Variants in USH2A observed in about 807,000 individuals in gnomAD.
USH2A encodes the protein Usher syndrome 2A (autosomal recessive, mild).
A neutral mutation model predicts 538.9 loss-of-function variants in USH2A; 443 were observed. That is an observed-to-expected ratio of 0.82 (90% confidence interval 0.76 to 0.89). The LOEUF is 0.89. USH2A is among the 40% of genes least tolerant of loss of function. USH2A has a pLI of 0.00. For missense variants in USH2A, 6,633 were observed against 6,324.8 expected, an observed-to-expected ratio of 1.05 and a Z score of -1.65; for synonymous variants, 2,413 against 2,273.5, an observed-to-expected ratio of 1.06 and a Z score of -1.75.
intron 64 of USH2A, among the ~76,000 whole-genome samples, chr1:215,657,044 C>A (rs1417314363): frequency 6.6e-6 from 1 of 152,246 alleles, no homozygotes; most frequent in African/African-American, 2.4e-5. Context: ...AAAGGTCTTT[C>A]CAATACCTGT....
At chr1:215,930,615 T>C (rs1055019756) in intron 38 of USH2A, among the ~76,000 whole-genome samples, 3 of 152,060 alleles carry the variant, frequency 2.0e-5, no homozygotes, top group African/African-American at 7.2e-5. Context: ...GAGTCATGGC[T>C]GACCCTTTCT....
chr1:215,763,707 A>T (rs548852826), intron 56 of USH2A, among the ~76,000 whole-genome samples: 48 of 152,258 alleles, frequency 3.2e-4, no homozygotes, highest in African/African-American at 1.1e-3. Flanking sequence ...TATTTTGTCA[A>T]AAGAGGAAAA....
At chr1:216,054,353 A>C (rs2030899743) in intron 30 of USH2A, among the ~76,000 whole-genome samples, 1 of 152,154 alleles carries the variant, frequency 6.6e-6, no homozygotes, top group African/African-American at 2.4e-5. Context: ...AAAGAAAAAT[A>C]TTAATAATTG....
Position 215,838,069 on chromosome 1 carries a change from C to T in USH2A, c.9293G>A (p.Ser3098Asn), listed in dbSNP as rs201393158. The change falls in exon 47 of 72, where the codon AGC becomes AAC. Residue 3098 changes from serine to asparagine, a missense_variant. Ser to Asn is a conservative substitution (Grantham distance 46). Transcript: ENST00000307340. ...CACAGTGGTAATTTGGGTTCCATTG[C>T]TTTTCACGCAGGCATATATTGTGCA... is the stretch of plus-strand genomic sequence containing the variant. ...EVCTIYACVK[S>N]NGTQITTVED... 6.2e-7 allele frequency: 1 copy of T among 1,613,958 alleles called. No individual in the cohort carries two copies. The highest frequency in any genetic ancestry group is 8.5e-7 in the Non-Finnish European group (1 of 1,179,904).
chr1:215,659,103 A>C (rs768836878), intron 64 of USH2A, among the ~76,000 whole-genome samples: 1 of 152,218 alleles, frequency 6.6e-6, no homozygotes, highest in East Asian at 1.9e-4. Flanking sequence ...ATAAAAACAC[A>C]AATAAAATAA....
At chr1:216,413,946 A>G (rs971472767) in intron 3 of USH2A, among the ~76,000 whole-genome samples, 4 of 152,120 alleles carry the variant, frequency 2.6e-5, no homozygotes, top group Non-Finnish European at 5.9e-5. Flanking sequence ...AGAAAACCCT[A>G]AAGTTTTACT....
intron 36 of USH2A, among the ~76,000 whole-genome samples, chr1:215,968,315 G>A (rs868788591): frequency 6.6e-6 from 1 of 151,940 alleles, no homozygotes; most frequent in African/African-American, 2.4e-5. Context: ...AAAACCACAG[G>A]AGAATCATTG....
intron 61 of USH2A, among the ~76,000 whole-genome samples, chr1:215,689,003 C>T (rs577364081): frequency 6.6e-6 from 1 of 150,880 alleles, no homozygotes; most frequent in East Asian, 1.9e-4. Flanking sequence ...GAATGTAGAA[C>T]CAATAGAATT....
chr1:215,863,902 A>G (rs964810691), intron 44 of USH2A, among the ~76,000 whole-genome samples: 4 of 152,210 alleles, frequency 2.6e-5, no homozygotes, highest in Non-Finnish European at 4.4e-5. Context: ...GATACAAGAT[A>G]TGAACATCTG....
intron 21 of USH2A, among the ~76,000 whole-genome samples, chr1:216,147,554 G>A: frequency 6.6e-6 from 1 of 151,802 alleles, no homozygotes; most frequent in South Asian, 2.1e-4. Context: ...AGGTCAAAAG[G>A]CCGTCTTATT....
At chr1:216,031,797 G>A (rs913402708) in intron 32 of USH2A, among the ~76,000 whole-genome samples, 5 of 152,160 alleles carry the variant, frequency 3.3e-5, no homozygotes, top group African/African-American at 7.2e-5. Context: ...TACCCAGGGT[G>A]CACACTCATA....
intron 11 of USH2A, among the ~76,000 whole-genome samples, chr1:216,273,022 G>T (rs545954655): frequency 2.5e-4 from 38 of 152,090 alleles, no homozygotes; most frequent in African/African-American, 9.2e-4. Flanking sequence ...CAACAGCAAA[G>T]CCATTAAAAA....
chr1:216,191,447 A>T (rs1432669949), intron 19 of USH2A, among the ~76,000 whole-genome samples: 2 of 152,016 alleles, frequency 1.3e-5, no homozygotes, highest in African/African-American at 4.8e-5. Context: ...TGTAGAATAC[A>T]GTGTTTCAAT....
Position 215,650,684 on chromosome 1 carries a change from C to T in USH2A, c.14251G>A (p.Ala4751Thr). 1 of 1,613,988 alleles carries T rather than the reference C, an allele frequency of 6.2e-7. No homozygotes were observed. Among genetic ancestry groups the T allele is most frequent in the Non-Finnish European group, 8.5e-7 (1 of 1,180,006 alleles). Residue 4751 changes from alanine to threonine, a missense_variant, in exon 65 of 72, where the codon GCA becomes ACA. Physicochemically the swap from Ala to Thr is moderately conservative, Grantham distance 58. Coordinates refer to ENST00000307340, the MANE Select transcript of USH2A (RefSeq NM_206933.4). ...PTFHVISSTQAVVNISAPGKP... is the reference protein window; with the variant it reads ...PTFHVISSTQTVVNISAPGKP... ...CCAGGGGCACTGATGTTGACCACTG[C>T]TTGGGTAGAAGAGATCACATGGAAC...
intron 20 of USH2A, among the ~76,000 whole-genome samples, chr1:216,182,477 A>G (rs1034429677): frequency 1.3e-5 from 2 of 152,122 alleles, no homozygotes; most frequent in Non-Finnish European, 2.9e-5. Context: ...CACAGAGGTC[A>G]TCACATAGTT....
chr1:216,075,866 A>AT, intron 27 of USH2A, among the ~76,000 whole-genome samples: 1 of 152,042 alleles, frequency 6.6e-6, no homozygotes, highest in East Asian at 1.9e-4. Flanking sequence ...TTAAAAAAAA[A>AT]ATAGCACTAA....
At chr1:216,201,791 G>A (rs768366783) in intron 16 of USH2A, 4 of 231,574 alleles carry the variant, frequency 1.7e-5, no homozygotes, top group Non-Finnish European at 3.9e-5. Context: ...TCTGGTGGCT[G>A]TTTTCAGTTG....
chr1:215,696,201 A>G (rs777719241), intron 61 of USH2A, among the ~76,000 whole-genome samples: 45 of 152,188 alleles, frequency 3.0e-4, no homozygotes, highest in Non-Finnish European at 5.1e-4. Flanking sequence ...CTAGAGAAAA[A>G]GTTATTAAGA....
intron 61 of USH2A, among the ~76,000 whole-genome samples, chr1:215,692,748 T>G (rs1234027060): frequency 6.6e-6 from 1 of 152,140 alleles, no homozygotes; most frequent in African/African-American, 2.4e-5. Flanking sequence ...AAATCATTTT[T>G]GAAGGTTTTA....
Sources: allele counts gnomAD v4.1 joint callset (sites outside exome capture counted in the v4.1 genomes callset), GRCh38; gene constraint gnomAD v4.1.1; transcripts MANE v1.5; gene names NCBI Gene and HGNC (gene_info 2026-07-23, HGNC 2026-07-21).